EDAR: variants seen among roughly 807,000 people sequenced by gnomAD.
The protein encoded by EDAR is ectodysplasin A receptor.
In EDAR, 38 loss-of-function variants were observed where a neutral mutation model predicts 51.3. The ratio of observed to expected loss-of-function variants is 0.74; its 90% CI spans 0.57 to 0.97. EDAR has a LOEUF of 0.97. EDAR is among the 50% of genes least tolerant of loss of function. The probability of loss-of-function intolerance (pLI) is 0.00; values close to 1 mark genes in which losing one functional copy is unlikely to be tolerated. For missense variants in EDAR, 528 were observed against 595.0 expected (o/e 0.89, Z 1.17); for synonymous variants, 227 against 242.1 (o/e 0.94, Z 0.58).
intron 1 of EDAR, chr2:108,940,285 A>C (rs745822042): frequency 6.6e-6 from 1 of 152,354 alleles, no homozygotes; most frequent in Admixed American, 6.5e-5. Flanking sequence ...AGGTGCCCAC[A>C]TGGGTGGTGG....
chr2:108,909,097 T>A (rs1696865391), intron 9 of EDAR, among the ~76,000 whole-genome samples: 1 of 152,150 alleles, frequency 6.6e-6, no homozygotes, highest in Non-Finnish European at 1.5e-5. Flanking sequence ...AGTGTCAGGG[T>A]TCAATTTGTA....
In EDAR at chr2:108,895,229, G is replaced by A. The variant is rs565595816; in HGVS notation, c.*1678C>T. ...CAGTATGTACTACATTCGTTGGTGG[G>A]AAATTGCTTGTTGGTGTTAAAGATA... On this transcript the variant is annotated 3_prime_UTR_variant, in exon 12 of 12. Transcript: ENST00000258443. 3.3e-5 allele frequency: 5 copies of A among 152,698 alleles called. No individual in the cohort carries two copies. The East Asian group carries it at 9.7e-4, about 29-fold the overall frequency. 9.5% of individuals were successfully genotyped at this position (152,698 alleles called of 1,614,324 possible). A position where few individuals can be genotyped will look rare whatever the true frequency, so the allele number is the denominator to read the frequency against.
rs777577152 is a variant in EDAR, at chr2:108,910,456, A to G, written c.803+4T>C. The G allele has an allele frequency of 1.2e-6, 2 of 1,612,124 alleles. No homozygotes were observed. The highest frequency in any genetic ancestry group is 1.7e-6 in the Non-Finnish European group (2 of 1,178,992). ...TCAGCTTGGTGCTGGGGGCTTCCAC[A>G]TACCTCTTGGTGGGCTTTGCTGGAG... On this transcript the variant is annotated splice_donor_region_variant and intron_variant, in intron 9 of 11. Coordinates refer to ENST00000258443, the MANE Select transcript of EDAR (RefSeq NM_022336.4).
intron 1 of EDAR, among the ~76,000 whole-genome samples, chr2:108,949,344 A>T (rs553412894): frequency 6.6e-6 from 1 of 152,330 alleles, no homozygotes; most frequent in Non-Finnish European, 1.5e-5. Flanking sequence ...GAGAAAAGCA[A>T]TGCATTAATA....
chr2:108,908,261 T>C (rs1036135833), intron 9 of EDAR, among the ~76,000 whole-genome samples: 1 of 152,114 alleles, frequency 6.6e-6, no homozygotes, highest in African/African-American at 2.4e-5. Context: ...TGCAGGCGTC[T>C]AAGGGGCTGG....
chr2:108,957,772 A>G (rs1334503269), intron 1 of EDAR, among the ~76,000 whole-genome samples: 2 of 152,236 alleles, frequency 1.3e-5, no homozygotes, highest in African/African-American at 4.8e-5. Context: ...AGTTATTCCA[A>G]AGCAAAGGGT....
intron 6 of EDAR, 35 bp from the exon 7 acceptor site, chr2:108,911,107 C>G: frequency 1.9e-6 from 3 of 1,613,606 alleles, no homozygotes; most frequent in Non-Finnish European, 1.7e-6. Context: ...TGACCCAGAG[C>G]TCAGGATCCC....
In EDAR at chr2:108,910,561, T is replaced by C. The variant is rs1208646772; in HGVS notation, c.731-29A>G. The C allele has an allele frequency of 6.3e-6, 10 of 1,591,040 alleles. No homozygotes were observed. In the Admixed American group the frequency reaches 6.7e-5, roughly 11 times the overall value. ...CAGGGAAATGGGGAGGTTGGGGAGA[T>C]AGGAGTTAGAATTGGCTCATGGCTC... On this transcript the variant is annotated intron_variant, in intron 8 of 11. Coordinates refer to ENST00000258443, the MANE Select transcript of EDAR (RefSeq NM_022336.4).
intron 1 of EDAR, among the ~76,000 whole-genome samples, chr2:108,943,879 T>A (rs558331487): frequency 6.6e-6 from 1 of 152,296 alleles, no homozygotes; most frequent in Admixed American, 6.5e-5. Context: ...GCCTATAACC[T>A]TGCATACCAT....
rs182230412 is a variant in EDAR, at chr2:108,923,561, G to A, written c.357-108C>T. On this transcript the variant is annotated intron_variant, in intron 4 of 11. Transcript: ENST00000258443. ...CAGTCTGCAGGCCCACAATCAAGTCGGGCATGAGGCCACGCCCACTCAGTC... is the reference window on the plus strand; with the variant it reads ...CAGTCTGCAGGCCCACAATCAAGTCAGGCATGAGGCCACGCCCACTCAGTC... The A allele has an allele frequency of 4.0e-4, 393 of 986,680 alleles. 8 individuals are homozygous for A. In the Admixed American group the frequency reaches 6.8e-3, roughly 17 times the overall value. 61.1% of individuals were successfully genotyped at this position (986,680 alleles called of 1,614,324 possible). A position where few individuals can be genotyped will look rare whatever the true frequency, so the allele number is the denominator to read the frequency against.
chr2:108,954,050 A>C (rs1298211741), intron 1 of EDAR, among the ~76,000 whole-genome samples: 1 of 152,216 alleles, frequency 6.6e-6, no homozygotes, highest in Admixed American at 6.5e-5. Flanking sequence ...CTCTCTGTAT[A>C]AGCCTATCCC....
intron 1 of EDAR, among the ~76,000 whole-genome samples, chr2:108,945,769 A>C (rs1308815465): frequency 1.3e-5 from 2 of 152,226 alleles, no homozygotes; most frequent in Non-Finnish European, 2.9e-5. Flanking sequence ...GTATGCATGA[A>C]CCTTGAGGAC....
intron 5 of EDAR, among the ~76,000 whole-genome samples, chr2:108,913,998 T>G (rs536944387): frequency 6.7e-6 from 1 of 149,182 alleles, no homozygotes; most frequent in Admixed American, 6.7e-5. Flanking sequence ...CGGTAGCTCA[T>G]GCCTATAATC....
intron 1 of EDAR, among the ~76,000 whole-genome samples, chr2:108,963,810 C>T (rs1056021351): frequency 6.6e-6 from 1 of 152,226 alleles, no homozygotes; most frequent in African/African-American, 2.4e-5. Context: ...TAGACTCTGC[C>T]TTCTTGTGGG....
intron 1 of EDAR, among the ~76,000 whole-genome samples, chr2:108,959,765 TGAG>T (rs779658227): frequency 1.2e-4 from 18 of 152,178 alleles, no homozygotes; most frequent in Non-Finnish European, 1.5e-4. Context: ...AGGAGCTTGA[TGAG>T]GAGTGCTGGC....
chr2:108,988,399 C>G (rs1045717100), intron 1 of EDAR, among the ~76,000 whole-genome samples: 4 of 152,150 alleles, frequency 2.6e-5, no homozygotes, highest in Non-Finnish European at 5.9e-5. Flanking sequence ...GAAATGAAAA[C>G]CTCAATCATC....
chr2:108,904,033 GA>G lies in EDAR; in HGVS notation c.1024+2274del, dbSNP rs1188174588. 1.4e-4 allele frequency among the ~76,000 whole-genome samples: 21 copies of G among 152,160 alleles called. No individual in the cohort carries two copies. In the East Asian group the frequency reaches 3.7e-3, roughly 27 times the overall value. ...GACTGAAAAGATAAGCTAAACTATAGAATGGAGAAAACATTTATAAAACCAC... is the reference window on the plus strand; with the variant it reads ...GACTGAAAAGATAAGCTAAACTATAGATGGAGAAAACATTTATAAAACCAC... On this transcript the variant is annotated intron_variant, in intron 11 of 11. Coordinates refer to ENST00000258443, the MANE Select transcript of EDAR (RefSeq NM_022336.4).
intron 5 of EDAR, among the ~76,000 whole-genome samples, chr2:108,915,528 C>T (rs1014290906): frequency 2.0e-5 from 3 of 152,098 alleles, no homozygotes; most frequent in African/African-American, 4.8e-5. Flanking sequence ...CTTTTTTCCT[C>T]GTGGGCCTCA....
intron 7 of EDAR, 32 bp from the exon 8 acceptor site, chr2:108,910,882 C>T: frequency 6.2e-7 from 1 of 1,614,084 alleles, no homozygotes; most frequent in Non-Finnish European, 8.5e-7. Flanking sequence ...AGCAGCCAGG[C>T]TCTCCGACAG....
Sources: gnomAD v4.1 joint callset for allele counts (sites outside exome capture counted in the v4.1 genomes callset) on GRCh38, gnomAD v4.1.1 for gene constraint, MANE v1.5 for transcripts, NCBI Gene and HGNC (gene_info 2026-07-23, HGNC 2026-07-21) for gene names.